The following ARIH1 variants were observed in gnomAD, a reference collection of about 807,000 sequenced individuals.
ARIH1 encodes the protein ariadne RBR E3 ubiquitin protein ligase 1, also known as E3 ubiquitin-protein ligase ARIH1.
Under a neutral mutation model 85.0 loss-of-function variants are expected in ARIH1, and 8 were observed. That is an observed-to-expected ratio of 0.09 (90% CI 0.06 to 0.17). The LOEUF is 0.17. ARIH1 is among the 10% of genes least tolerant of loss of function. The pLI, the probability that ARIH1 is intolerant of heterozygous loss-of-function variation, is 1.00. For synonymous variants in ARIH1, 238 were observed against 253.6 expected, an observed-to-expected ratio of 0.94 and a Z score of 0.59; for missense variants, 311 against 718.1, an observed-to-expected ratio of 0.43 and a Z score of 6.48.
chr15:72,575,536 G>A (rs569722690), intron 11 of ARIH1, among the ~76,000 whole-genome samples: 45 of 113,168 alleles, frequency 4.0e-4, no homozygotes, highest in African/African-American at 1.5e-3. Context: ...AAGCAACAGA[G>A]CAAGACCCTG....
At chr15:72,509,789 T>C (rs974296941) in intron 1 of ARIH1, among the ~76,000 whole-genome samples, 1 of 152,124 alleles carries the variant, frequency 6.6e-6, no homozygotes, top group Non-Finnish European at 1.5e-5. Context: ...GAGGTCTTGC[T>C]TTGTTGCCCA....
intron 7 of ARIH1, among the ~76,000 whole-genome samples, chr15:72,565,504 TAATA>T (rs1475105294): frequency 6.6e-6 from 1 of 152,174 alleles, no homozygotes; most frequent in African/African-American, 2.4e-5. Context: ...ACATCATTAA[TAATA>T]AATATTTCCA....
chr15:72,487,077 ATTATTT>A (rs2063840582), intron 1 of ARIH1, among the ~76,000 whole-genome samples: 1 of 151,472 alleles, frequency 6.6e-6, no homozygotes, highest in Non-Finnish European at 1.5e-5. Context: ...TATTATTATT[ATTATTT>A]TTTTTTGTAT....
At chr15:72,487,080 ATT>A (rs200378374) in intron 1 of ARIH1, among the ~76,000 whole-genome samples, 4 of 150,586 alleles carry the variant, frequency 2.7e-5, no homozygotes, top group Non-Finnish European at 4.4e-5. Flanking sequence ...TATTATTATT[ATT>A]TTTTTTTGTA....
At chr15:72,551,329 G>A (rs1431165072) in intron 3 of ARIH1, among the ~76,000 whole-genome samples, 4 of 152,196 alleles carry the variant, frequency 2.6e-5, no homozygotes, top group Non-Finnish European at 5.9e-5. Flanking sequence ...GGGGAGAGCT[G>A]AGTGAGGACT....
intron 2 of ARIH1, among the ~76,000 whole-genome samples, chr15:72,528,618 CTG>C (rs2064040727): frequency 6.6e-6 from 1 of 152,288 alleles, no homozygotes; most frequent in East Asian, 1.9e-4. Context: ...CTTTAGCTGA[CTG>C]TGGCAGGAAG....
intron 2 of ARIH1, among the ~76,000 whole-genome samples, chr15:72,535,603 A>T (rs556999068): frequency 1.3e-5 from 2 of 152,346 alleles, no homozygotes; most frequent in African/African-American, 4.8e-5. Context: ...ATATTGAAAA[A>T]TCGTTATCAA....
chr15:72,501,176 TA>T (rs1462881494), intron 1 of ARIH1, among the ~76,000 whole-genome samples: 1 of 152,248 alleles, frequency 6.6e-6, no homozygotes, highest in African/African-American at 2.4e-5. Flanking sequence ...TACAGGGGTA[TA>T]TTTTTGTCTA....
At chr15:72,577,051 C>G (rs2064274792) in intron 11 of ARIH1, among the ~76,000 whole-genome samples, 1 of 151,560 alleles carries the variant, frequency 6.6e-6, no homozygotes, top group Non-Finnish European at 1.5e-5. Context: ...TGGCAGGTCT[C>G]AGCTCCCTGC....
At chr15:72,583,180 G>GTTTTT in intron 13 of ARIH1, 28 bp from the exon 14 acceptor site, 3 of 1,292,376 alleles carry the variant, frequency 2.3e-6, no homozygotes, top group East Asian at 2.6e-5. Context: ...CTGACAACAA[G>GTTTTT]TTTTTTTTTT....
intron 1 of ARIH1, among the ~76,000 whole-genome samples, chr15:72,490,360 G>A (rs1050549537): frequency 6.6e-6 from 1 of 152,164 alleles, no homozygotes; most frequent in African/African-American, 2.4e-5. Context: ...ACAGCAGGAG[G>A]CGAGCAGCCA....
intron 11 of ARIH1, 177 bp from the exon 12 acceptor site, chr15:72,580,554 T>A (rs1052362796): frequency 4.8e-6 from 3 of 620,294 alleles, no homozygotes; most frequent in Admixed American, 6.5e-5. Flanking sequence ...CCATCAACAG[T>A]GTATCAAGAG....
intron 2 of ARIH1, among the ~76,000 whole-genome samples, chr15:72,530,471 C>G (rs960474879): frequency 2.0e-5 from 3 of 152,204 alleles, no homozygotes; most frequent in African/African-American, 7.2e-5. Context: ...AGATGATCTT[C>G]ATGTCTTTTG....
chr15:72,491,438 A>G (rs1301897589), intron 1 of ARIH1, among the ~76,000 whole-genome samples: 3 of 151,580 alleles, frequency 2.0e-5, no homozygotes, highest in African/African-American at 7.3e-5. Context: ...TTATTTCCTT[A>G]CTAGATAGAC....
chr15:72,574,173 G>A (rs564815091), intron 11 of ARIH1, among the ~76,000 whole-genome samples: 4 of 152,262 alleles, frequency 2.6e-5, no homozygotes, highest in Middle Eastern at 3.4e-3. Flanking sequence ...GATCTATAGG[G>A]AGGGTGGGTT....
intron 2 of ARIH1, among the ~76,000 whole-genome samples, chr15:72,538,975 G>A (rs2064095038): frequency 6.6e-6 from 1 of 152,180 alleles, no homozygotes; most frequent in Admixed American, 6.5e-5. Context: ...AAGGCTGAAG[G>A]AGAAACCATA....
At chr15:72,499,412 C>T (rs1235956553) in intron 1 of ARIH1, among the ~76,000 whole-genome samples, 1 of 151,816 alleles carries the variant, frequency 6.6e-6, no homozygotes, top group Non-Finnish European at 1.5e-5. Flanking sequence ...TATGTCTCTT[C>T]CTTTTGACAT....
intron 1 of ARIH1, among the ~76,000 whole-genome samples, chr15:72,481,073 A>G (rs548778433): frequency 1.3e-5 from 2 of 152,342 alleles, no homozygotes; most frequent in Admixed American, 6.5e-5. Flanking sequence ...AAGCCTGTGC[A>G]TGATGTGTGC....
At chr15:72,516,677 T>C (rs555768655) in intron 1 of ARIH1, among the ~76,000 whole-genome samples, 67 of 152,330 alleles carry the variant, frequency 4.4e-4, no homozygotes, top group African/African-American at 1.4e-3. Context: ...TGAGTGTCTG[T>C]ATCTTTGGCT....
Sources: gnomAD v4.1 joint callset for allele counts (sites outside exome capture counted in the v4.1 genomes callset) on GRCh38, gnomAD v4.1.1 for gene constraint, MANE v1.5 for transcripts, NCBI Gene and HGNC (gene_info 2026-07-23, HGNC 2026-07-21) for gene names.